The following BRINP2 variants were observed in gnomAD, a reference collection of about 807,000 sequenced individuals.
BRINP2 encodes BMP/retinoic acid inducible neural specific 2, also known as BMP/retinoic acid-inducible neural-specific protein 2.
In BRINP2, 21 loss-of-function variants were observed where a neutral mutation model predicts 69.2. The observed-to-expected ratio is 0.30, with a 90% confidence interval of 0.22 to 0.44. The LOEUF is 0.44. Ranked by LOEUF, BRINP2 falls within the 20% of genes least tolerant of loss-of-function variation. BRINP2 has a pLI of 1.00. For synonymous variants in BRINP2, 380 were observed against 394.1 expected (o/e 0.96, Z 0.42); for missense variants, 877 against 986.0 (o/e 0.89, Z 1.48).
chr1:177,279,469 G>A (rs1054441128), intron 7 of BRINP2, among the ~76,000 whole-genome samples: 8 of 152,190 alleles, frequency 5.3e-5, no homozygotes, highest in African/African-American at 9.6e-5. Context: ...AGCTTCCTTG[G>A]AGAAGAAAAT....
chr1:177,280,642 G>A lies in BRINP2; in HGVS notation c.1466G>A (p.Gly489Glu), dbSNP rs1159219538. Residue 489 changes from glycine (G) to glutamate (E), a missense_variant, in exon 8 of 8, where the codon GGG becomes GAG. This residue lies in a region of BRINP2 where 566 missense variants were observed against 625.2 expected (regional missense o/e 0.91). Coordinates refer to ENST00000361539, the MANE Select transcript of BRINP2 (RefSeq NM_021165.4). Reference protein sequence around the residue: ...SCNPGYVLAQGLCRPEVAESL... With the variant: ...SCNPGYVLAQELCRPEVAESL... ...AACCCGGGCTATGTGCTGGCCCAGG[G>A]GCTGTGCCGGCCAGAGGTGGCCGAG... 1 of 1,614,190 alleles carries A rather than the reference G, an allele frequency of 6.2e-7. No individual in the cohort carries two copies. The highest frequency in any genetic ancestry group is 1.1e-5 in the South Asian group (1 of 91,086).
At chr1:177,270,887 T>A (rs1436916576) in intron 4 of BRINP2, among the ~76,000 whole-genome samples, 2 of 152,108 alleles carry the variant, frequency 1.3e-5, no homozygotes, top group African/African-American at 4.8e-5. Context: ...TTCAACACTA[T>A]ATAGAAAGTG....
chr1:177,174,556 G>A (rs567888805), intron 1 of BRINP2, among the ~76,000 whole-genome samples: 1 of 152,164 alleles, frequency 6.6e-6, no homozygotes, highest in African/African-American at 2.4e-5. Flanking sequence ...CAGATAATGA[G>A]AACTATCAGT....
chr1:177,217,143 G>C (rs1251430622), intron 1 of BRINP2, among the ~76,000 whole-genome samples: 1 of 151,418 alleles, frequency 6.6e-6, no homozygotes, highest in Non-Finnish European at 1.5e-5. Flanking sequence ...ATGATGCATA[G>C]GTTAGGTTTC....
At chr1:177,221,708 T>C (rs541548193) in intron 1 of BRINP2, among the ~76,000 whole-genome samples, 1 of 152,228 alleles carries the variant, frequency 6.6e-6, no homozygotes, top group East Asian at 1.9e-4. Context: ...CCACATGTGC[T>C]CCAGGCTGCT....
chr1:177,240,410 G>A (rs1650162128), intron 2 of BRINP2, among the ~76,000 whole-genome samples: 1 of 152,138 alleles, frequency 6.6e-6, no homozygotes, highest in Non-Finnish European at 1.5e-5. Context: ...TGCATACATG[G>A]ATTGGAATAT....
At chr1:177,272,263 G>A (rs1450388194) in intron 4 of BRINP2, among the ~76,000 whole-genome samples, 2 of 152,282 alleles carry the variant, frequency 1.3e-5, no homozygotes, top group Admixed American at 1.3e-4. Context: ...GGCTTCTACT[G>A]TGACTTGGAT....
chr1:177,201,643 G>T (rs535437435), intron 1 of BRINP2, among the ~76,000 whole-genome samples: 15 of 152,190 alleles, frequency 9.9e-5, no homozygotes, highest in Non-Finnish European at 7.3e-5. Context: ...GTTGAATCTG[G>T]ACTGAGGATC....
chr1:177,242,115 C>T (rs536886307), intron 2 of BRINP2, among the ~76,000 whole-genome samples: 1 of 152,218 alleles, frequency 6.6e-6, no homozygotes, highest in Admixed American at 6.5e-5. Flanking sequence ...TCACTCCTGC[C>T]TCTTCTCTAT....
chr1:177,219,477 G>A (rs1416553023), intron 1 of BRINP2, among the ~76,000 whole-genome samples: 1 of 152,194 alleles, frequency 6.6e-6, no homozygotes, highest in Non-Finnish European at 1.5e-5. Context: ...TTTAGCTAGA[G>A]TTTGTGATGT....
chr1:177,238,673 C>T (rs575420934), intron 2 of BRINP2, among the ~76,000 whole-genome samples: 1 of 152,224 alleles, frequency 6.6e-6, no homozygotes, highest in Non-Finnish European at 1.5e-5. Context: ...CGCCAATCTC[C>T]CCAATTCTCC....
chr1:177,190,494 C>T (rs997146518), intron 1 of BRINP2, among the ~76,000 whole-genome samples: 2 of 152,192 alleles, frequency 1.3e-5, no homozygotes, highest in African/African-American at 2.4e-5. Flanking sequence ...CTCCTTCTTC[C>T]CTTCTCCAAA....
At chr1:177,187,823 T>A (rs557657538) in intron 1 of BRINP2, among the ~76,000 whole-genome samples, 1 of 152,294 alleles carries the variant, frequency 6.6e-6, no homozygotes, top group East Asian at 1.9e-4. Flanking sequence ...TATAGAGGAG[T>A]TAACCATATG....
chr1:177,176,188 G>A (rs1187207623), intron 1 of BRINP2, among the ~76,000 whole-genome samples: 2 of 152,136 alleles, frequency 1.3e-5, no homozygotes, highest in Non-Finnish European at 1.5e-5. Context: ...ATTCTGGATT[G>A]GGCAAAGGGA....
rs528623536 is a variant in BRINP2 at position 177,229,824 on chromosome 1, C to T, written c.-53C>T. 2.0e-6 allele frequency: 3 copies of T among 1,524,886 alleles called. No homozygotes were observed. The highest frequency in any genetic ancestry group is 1.4e-5 in the African/African-American group (1 of 72,750). The allele number at this position is 1,524,886 out of a possible 1,614,324, so 94.5% of individuals were successfully genotyped here. ...AGCTCCGAGCCCTGGAGGAGCAGCACGGAGCGGGAGAGCGTGGCGAGAGAA... is the reference window on the plus strand; with the variant it reads ...AGCTCCGAGCCCTGGAGGAGCAGCATGGAGCGGGAGAGCGTGGCGAGAGAA... On this transcript the variant is annotated 5_prime_UTR_variant, in exon 2 of 8. The change creates a new upstream start codon in the 5' untranslated region. Coordinates refer to ENST00000361539, the MANE Select transcript of BRINP2 (RefSeq NM_021165.4).
rs1263271444 is a variant in BRINP2 at position 177,171,331 on chromosome 1, C to T, written c.-478C>T. 2.6e-5 allele frequency among the ~76,000 whole-genome samples: 4 copies of T among 152,164 alleles called. No homozygotes were observed. Among genetic ancestry groups the T allele is most frequent in the Admixed American group, 1.3e-4 (2 of 15,284 alleles). ...GGGACTCCCCCAGTTGGGTCTTGCA[C>T]TTCCCTTACCTCTCCCACCCCGCGT... On this transcript the variant is annotated 5_prime_UTR_variant, in exon 1 of 8. Coordinates refer to ENST00000361539, the MANE Select transcript of BRINP2 (RefSeq NM_021165.4).
intron 1 of BRINP2, among the ~76,000 whole-genome samples, chr1:177,174,127 T>A (rs190611770): frequency 3.3e-5 from 5 of 152,248 alleles, no homozygotes; most frequent in Admixed American, 6.5e-5. Context: ...GCCCCCTTCT[T>A]GGAAAAGGGA....
Position 177,280,913 on chromosome 1 carries a change from C to T in BRINP2, c.1737C>T (p.Asn579=). ...ALSLQICLTK[N]STLEPVMAIY... is the part of the protein sequence containing the mutation. The stretch of plus-strand genomic sequence containing the variant: ...CCTTGCAGATCTGTCTCACCAAGAA[C>T]AGCACCCTGGAGCCTGTCATGGCCA... The change falls in exon 8 of 8, where the codon AAC becomes AAT. Residue 579 remains asparagine (N), a synonymous_variant. Transcript: ENST00000361539. 2 of 1,614,210 alleles carry T rather than the reference C, an allele frequency of 1.2e-6. No homozygotes were observed. The highest frequency in any genetic ancestry group is 4.5e-5 in the East Asian group (2 of 44,866).
Position 177,278,727 on chromosome 1 carries a change from C to A in BRINP2, c.1177C>A (p.Leu393Ile). 1.2e-6 allele frequency: 2 copies of A among 1,614,214 alleles called. No homozygotes were observed. The highest frequency in any genetic ancestry group is 1.7e-6 in the Non-Finnish European group (2 of 1,180,052). ...FKKTHRILRR[L>I]FNLCKRCHRQ... is the part of the protein sequence containing the mutation. Reference sequence around the variant, plus strand: ...AAAGACCCATCGGATCCTACGCCGGCTCTTCAACCTCTGCAAGCGCTGCCA... The same window carrying A: ...AAAGACCCATCGGATCCTACGCCGGATCTTCAACCTCTGCAAGCGCTGCCA... Residue 393 changes from leucine (L) to isoleucine (I), a missense_variant, in exon 7 of 8, where the codon CTC becomes ATC. Leu to Ile is a conservative substitution (Grantham distance 5). Coordinates refer to ENST00000361539, the MANE Select transcript of BRINP2 (RefSeq NM_021165.4).
Sources: allele counts gnomAD v4.1 joint callset (sites outside exome capture counted in the v4.1 genomes callset), GRCh38; gene constraint gnomAD v4.1.1; regional missense constraint gnomAD v4.1.1; transcripts MANE v1.5; gene names NCBI Gene and HGNC (gene_info 2026-07-23, HGNC 2026-07-21).